Variants in ITGBL1 observed in about 807,000 individuals in gnomAD.
ITGBL1 encodes the protein integrin subunit beta like 1.
Under a neutral mutation model 68.5 loss-of-function variants are expected in ITGBL1, and 51 were observed. That is an observed-to-expected ratio of 0.74 (90% confidence interval 0.59 to 0.94). The LOEUF (loss-of-function observed/expected upper bound fraction) is 0.94, where lower values mean the gene tolerates loss of function less well. ITGBL1 is among the 40% of genes least tolerant of loss of function. The pLI is 0.00. For synonymous variants in ITGBL1, 209 were observed against 227.3 expected (o/e 0.92, Z 0.72); for missense variants, 649 against 647.4 (o/e 1.00, Z -0.03).
At chr13:101,488,550 C>A (rs1342991347) in intron 2 of ITGBL1, among the ~76,000 whole-genome samples, 1 of 152,164 alleles carries the variant, frequency 6.6e-6, no homozygotes, top group Non-Finnish European at 1.5e-5. Context: ...CTTGAGAGAG[C>A]TGTTAACCAC....
At chr13:101,579,473 G>A (rs770746117) in intron 5 of ITGBL1, 46 bp downstream of exon 5, 7 of 1,583,382 alleles carry the variant, frequency 4.4e-6, no homozygotes, top group Non-Finnish European at 6.0e-6. Context: ...GGCAAACAAA[G>A]CTTTTAATTG....
intron 7 of ITGBL1, among the ~76,000 whole-genome samples, chr13:101,660,695 A>G (rs1035686010): frequency 1.3e-5 from 2 of 152,202 alleles, no homozygotes; most frequent in African/African-American, 4.8e-5. Flanking sequence ...AACCTTGCCC[A>G]TGCCCAAAAA....
chr13:101,695,137 G>A (rs990890579), intron 8 of ITGBL1, among the ~76,000 whole-genome samples: 1 of 152,176 alleles, frequency 6.6e-6, no homozygotes, highest in African/African-American at 2.4e-5. Context: ...ATAGGCTGAA[G>A]GCTAAGAAAG....
At chr13:101,576,277 A>G (rs1293159346) in intron 4 of ITGBL1, among the ~76,000 whole-genome samples, 5 of 152,128 alleles carry the variant, frequency 3.3e-5, no homozygotes, top group Admixed American at 2.6e-4. Context: ...GCCAAAGTCT[A>G]TGTTCCTGAT....
intron 2 of ITGBL1, among the ~76,000 whole-genome samples, chr13:101,474,435 T>G (rs1477592773): frequency 6.6e-6 from 1 of 152,176 alleles, no homozygotes; most frequent in East Asian, 1.9e-4. Context: ...TTAAGTTTCC[T>G]GACTCCACGC....
chr13:101,650,981 T>A (rs1159610708), intron 7 of ITGBL1, among the ~76,000 whole-genome samples: 4 of 152,220 alleles, frequency 2.6e-5, no homozygotes, highest in Non-Finnish European at 5.9e-5. Flanking sequence ...GGACATGATC[T>A]TTTTCCTTTT....
At chr13:101,618,377 C>A (rs554170326) in intron 7 of ITGBL1, among the ~76,000 whole-genome samples, 10 of 152,286 alleles carry the variant, frequency 6.6e-5, no homozygotes, top group African/African-American at 2.4e-4. Context: ...TGAAAGAATT[C>A]TAGCTTCCTT....
intron 7 of ITGBL1, among the ~76,000 whole-genome samples, chr13:101,602,619 C>A (rs888577875): frequency 6.6e-6 from 1 of 151,898 alleles, no homozygotes; most frequent in Non-Finnish European, 1.5e-5. Context: ...TCACATACCA[C>A]TCAGTATTTT....
intron 2 of ITGBL1, among the ~76,000 whole-genome samples, chr13:101,563,874 A>G (rs1293674190): frequency 2.0e-5 from 3 of 151,916 alleles, no homozygotes; most frequent in Non-Finnish European, 4.4e-5. Flanking sequence ...ATGATTTATA[A>G]ACATAGAACA....
chr13:101,528,390 T>C (rs1009560453), intron 2 of ITGBL1, among the ~76,000 whole-genome samples: 9 of 151,752 alleles, frequency 5.9e-5, no homozygotes, highest in Non-Finnish European at 1.3e-4. Flanking sequence ...GTGTACATTG[T>C]TGTTTATAAA....
intron 7 of ITGBL1, among the ~76,000 whole-genome samples, chr13:101,610,226 C>A (rs1346026768): frequency 6.6e-6 from 1 of 152,104 alleles, no homozygotes; most frequent in East Asian, 1.9e-4. Flanking sequence ...ACAGGCAAAC[C>A]AGATACTTTT....
chr13:101,610,325 A>G (rs763202822), intron 7 of ITGBL1, among the ~76,000 whole-genome samples: 1 of 152,154 alleles, frequency 6.6e-6, no homozygotes, highest in South Asian at 2.1e-4. Context: ...CCAATGAGGC[A>G]CAGTGTTATC....
intron 7 of ITGBL1, among the ~76,000 whole-genome samples, chr13:101,636,509 A>C (rs1228438675): frequency 6.6e-6 from 1 of 152,174 alleles, no homozygotes; most frequent in African/African-American, 2.4e-5. Flanking sequence ...TGTATAGACT[A>C]TAGGCTTGTT....
At position 101,452,885 on chromosome 13, in the gene ITGBL1, T is replaced by G. The variant is rs1003776010; in HGVS notation, c.52T>G (p.Phe18Val). The G allele has an allele frequency of 6.2e-7, 1 of 1,614,086 alleles. No individual in the cohort carries two copies. The highest frequency in any genetic ancestry group is 8.5e-7 in the Non-Finnish European group (1 of 1,180,050). The part of the protein sequence containing the change: ...NFLLLASSLL[F>V]AGLSAVPQSF... ...CTTGCTGCTGGCGTCCTCCCTTCTC[T>G]TTGCTGGGTTGTCAGCTGTTCCTCA... Residue 18 changes from phenylalanine to valine, a missense_variant, in exon 1 of 11, where the codon TTT (phenylalanine) becomes GTT (valine). Coordinates refer to ENST00000376180, the MANE Select transcript of ITGBL1 (RefSeq NM_004791.3).
intron 4 of ITGBL1, among the ~76,000 whole-genome samples, chr13:101,576,450 G>A (rs889272770): frequency 3.9e-5 from 6 of 152,184 alleles, no homozygotes; most frequent in African/African-American, 1.2e-4. Flanking sequence ...AAAGTAGAAA[G>A]CAGAGAGAAT....
intron 7 of ITGBL1, among the ~76,000 whole-genome samples, chr13:101,655,087 A>G (rs982862756): frequency 6.6e-6 from 1 of 152,166 alleles, no homozygotes; most frequent in Non-Finnish European, 1.5e-5. Context: ...CAATCTGGAG[A>G]CAGATTTCTG....
intron 2 of ITGBL1, among the ~76,000 whole-genome samples, chr13:101,522,238 T>G (rs774920409): frequency 6.6e-5 from 10 of 152,118 alleles, no homozygotes; most frequent in South Asian, 2.1e-4. Context: ...GGGGACACAA[T>G]TTGGCTCATA....
At chr13:101,599,307 T>C (rs1388095621) in intron 7 of ITGBL1, among the ~76,000 whole-genome samples, 2 of 151,984 alleles carry the variant, frequency 1.3e-5, no homozygotes, top group Non-Finnish European at 2.9e-5. Context: ...TGTAAATTTG[T>C]TTGAGTTCAT....
chr13:101,596,841 C>T (rs77542977), intron 6 of ITGBL1, among the ~76,000 whole-genome samples: 9,006 of 151,920 alleles, frequency 0.059, 867 homozygotes, highest in African/African-American at 0.21. Flanking sequence ...TGTATGACTC[C>T]AACTATATAA....
Sources: allele counts gnomAD v4.1 joint callset (sites outside exome capture counted in the v4.1 genomes callset), GRCh38; gene constraint gnomAD v4.1.1; transcripts MANE v1.5; gene names NCBI Gene and HGNC (gene_info 2026-07-23, HGNC 2026-07-21).